Variants in DGKB observed in about 807,000 individuals in gnomAD.
The protein encoded by DGKB is diacylglycerol kinase beta, also known as 90 kDa diacylglycerol kinase.
In DGKB, 67 loss-of-function variants were observed where a neutral mutation model predicts 114.3. That is an observed-to-expected ratio of 0.59 (90% CI 0.48 to 0.72). The LOEUF is 0.72. Ranked by LOEUF, DGKB falls within the 30% of genes least tolerant of loss-of-function variation. The probability of loss-of-function intolerance (pLI) is 0.00; values close to 1 mark genes in which losing one functional copy is unlikely to be tolerated. For synonymous variants in DGKB, 398 were observed against 323.1 expected (o/e 1.23, Z -2.49); for missense variants, 907 against 975.2 (o/e 0.93, Z 0.93).
At chr7:14,862,349 A>G (rs970216610) in intron 1 of DGKB, among the ~76,000 whole-genome samples, 1 of 152,076 alleles carries the variant, frequency 6.6e-6, no homozygotes, top group African/African-American at 2.4e-5. Flanking sequence ...ATTTCAAGTA[A>G]ATAATCCAGT....
At chr7:14,969,377 T>C (rs542351096) in intron 1 of DGKB, among the ~76,000 whole-genome samples, 7 of 152,272 alleles carry the variant, frequency 4.6e-5, no homozygotes, top group African/African-American at 1.4e-4. Context: ...TGTTAGGTGA[T>C]TTCCTCTTTG....
chr7:14,932,157 G>C (rs1425695790), intron 1 of DGKB, among the ~76,000 whole-genome samples: 2 of 152,132 alleles, frequency 1.3e-5, no homozygotes, highest in African/African-American at 4.8e-5. Flanking sequence ...CCATGTTCTG[G>C]ACTGTACAAA....
intron 2 of DGKB, among the ~76,000 whole-genome samples, chr7:14,771,462 G>A (rs557476169): frequency 6.6e-6 from 1 of 152,030 alleles, no homozygotes; most frequent in Non-Finnish European, 1.5e-5. Flanking sequence ...GTATCTAAAG[G>A]GGGTGCTTAT....
intron 15 of DGKB, among the ~76,000 whole-genome samples, chr7:14,620,766 T>A (rs1807478160): frequency 6.6e-6 from 1 of 151,822 alleles, no homozygotes; most frequent in Admixed American, 6.6e-5. Context: ...CTATTCTTGA[T>A]GCCACAGGCG....
At chr7:14,937,681 C>T (rs1174212291) in intron 1 of DGKB, among the ~76,000 whole-genome samples, 2 of 152,056 alleles carry the variant, frequency 1.3e-5, no homozygotes, top group Admixed American at 6.6e-5. Flanking sequence ...ACAGCTGGCC[C>T]TTGAACAACA....
chr7:14,603,709 C>T (rs1347187251), intron 17 of DGKB, among the ~76,000 whole-genome samples: 1 of 152,046 alleles, frequency 6.6e-6, no homozygotes, highest in African/African-American at 2.4e-5. Context: ...GCAAAGATTT[C>T]TAAGAGCAGC....
At chr7:14,657,726 G>T (rs1034369847) in intron 13 of DGKB, among the ~76,000 whole-genome samples, 2 of 151,872 alleles carry the variant, frequency 1.3e-5, no homozygotes, top group Non-Finnish European at 2.9e-5. Flanking sequence ...TGCATTTCTG[G>T]AAGTTTTATA....
At chr7:14,563,643 G>GTTTTTTTTTTTTTTTTTTTT (rs66549760) in intron 20 of DGKB, among the ~76,000 whole-genome samples, 1 of 125,734 alleles carries the variant, frequency 8.0e-6, no homozygotes, top group Non-Finnish European at 1.7e-5. Flanking sequence ...ATACAACTCT[G>GTTTTTTTTTTTTTTTTTTTT]TTTTTTTTTT....
At chr7:14,720,075 C>T (rs1460365731) in intron 5 of DGKB, among the ~76,000 whole-genome samples, 1 of 151,756 alleles carries the variant, frequency 6.6e-6, no homozygotes, top group African/African-American at 2.4e-5. Context: ...TAATTTACAT[C>T]TTAACACAGC....
chr7:14,543,345 A>C (rs547952161), intron 20 of DGKB, among the ~76,000 whole-genome samples: 7 of 152,040 alleles, frequency 4.6e-5, no homozygotes, highest in African/African-American at 4.8e-5. Context: ...TCAGGAGGCT[A>C]AGGTGGGAGG....
chr7:14,192,750 G>T (rs1212681375), intron 23 of DGKB, among the ~76,000 whole-genome samples: 2 of 151,808 alleles, frequency 1.3e-5, no homozygotes, highest in Non-Finnish European at 2.9e-5. Context: ...TTATTACATT[G>T]TAATATATAG....
chr7:14,818,358 C>T (rs1032946645), intron 2 of DGKB, among the ~76,000 whole-genome samples: 1 of 152,166 alleles, frequency 6.6e-6, no homozygotes, highest in South Asian at 2.1e-4. Flanking sequence ...CTAATGCACA[C>T]AGTTCTAGAA....
chr7:14,776,720 G>A (rs772435711), intron 2 of DGKB, among the ~76,000 whole-genome samples: 4 of 152,256 alleles, frequency 2.6e-5, no homozygotes, highest in African/African-American at 4.8e-5. Context: ...TGCAGAGCCA[G>A]AGCCCTCATG....
At chr7:14,822,385 G>A (rs1023747368) in intron 2 of DGKB, among the ~76,000 whole-genome samples, 9 of 152,076 alleles carry the variant, frequency 5.9e-5, no homozygotes, top group African/African-American at 1.9e-4. Flanking sequence ...TTAAAAAGGA[G>A]AATGAAAAGG....
At position 14,197,815 on chromosome 7, in the gene DGKB, G is replaced by A. The variant is rs543498644; in HGVS notation, c.2123-19664C>T. On this transcript the variant is annotated intron_variant, in intron 23 of 25. Transcript: ENST00000402815. The stretch of plus-strand genomic sequence containing the variant: ...CACATTTCAAAGAATACCTACTAGT[G>A]GTTTCTGTTTGACAAGCTCACAGGC... Among the ~76,000 whole-genome samples, 6 of 152,190 alleles carry A rather than the reference G, an allele frequency of 3.9e-5. No homozygotes were observed. The South Asian group carries it at 1.2e-3, about 32-fold the overall frequency.
intron 20 of DGKB, among the ~76,000 whole-genome samples, chr7:14,503,817 A>G (rs151020913): frequency 4.2e-3 from 639 of 152,288 alleles, no homozygotes; most frequent in African/African-American, 0.011. Flanking sequence ...GGCAGAGTCC[A>G]GTTAGAAAAC....
At chr7:14,351,858 A>T (rs1481054083) in intron 21 of DGKB, among the ~76,000 whole-genome samples, 1 of 152,070 alleles carries the variant, frequency 6.6e-6, no homozygotes, top group Non-Finnish European at 1.5e-5. Flanking sequence ...CATTTTATTT[A>T]AACCGCTAAA....
At chr7:14,756,003 ACTACCT>A in intron 3 of DGKB, among the ~76,000 whole-genome samples, 1 of 152,084 alleles carries the variant, frequency 6.6e-6, no homozygotes, top group Non-Finnish European at 1.5e-5. Context: ...TGATCTAATA[ACTACCT>A]CAAAAAATGC....
chr7:14,672,693 G>C (rs777116880), intron 13 of DGKB, among the ~76,000 whole-genome samples: 1 of 152,082 alleles, frequency 6.6e-6, no homozygotes, highest in African/African-American at 2.4e-5. Context: ...ACGACTAAGT[G>C]ATAAAACCTG....
Sources: gnomAD v4.1 joint callset for allele counts (sites outside exome capture counted in the v4.1 genomes callset) on GRCh38, gnomAD v4.1.1 for gene constraint, MANE v1.5 for transcripts, NCBI Gene and HGNC (gene_info 2026-07-23, HGNC 2026-07-21) for gene names.